Variants in GRM8 observed in about 807,000 individuals in gnomAD.
GRM8 encodes metabotropic glutamate receptor 8.
Under a neutral mutation model 87.2 loss-of-function variants are expected in GRM8, and 47 were observed. That is an observed-to-expected ratio of 0.54 (90% CI 0.43 to 0.69). The LOEUF (loss-of-function observed/expected upper bound fraction) is 0.69. GRM8 is among the 30% of genes least tolerant of loss of function. The probability of loss-of-function intolerance (pLI) is 0.00; values close to 1 mark genes in which losing one functional copy is unlikely to be tolerated. For missense variants in GRM8, 1,019 were observed against 1,139.2 expected (o/e 0.89, Z 1.52); for synonymous variants, 396 against 404.5 (o/e 0.98, Z 0.25).
At chr7:127,124,192 A>C (rs1827238162) in intron 2 of GRM8, among the ~76,000 whole-genome samples, 1 of 152,116 alleles carries the variant, frequency 6.6e-6, no homozygotes, top group Non-Finnish European at 1.5e-5. Flanking sequence ...CCAAACTTTA[A>C]AATTTCAACT....
chr7:126,875,049 T>C (rs995080130), intron 6 of GRM8, among the ~76,000 whole-genome samples: 3 of 152,158 alleles, frequency 2.0e-5, no homozygotes, highest in African/African-American at 7.2e-5. Context: ...TTTTCTTGCA[T>C]GGCCACAAAT....
chr7:126,677,541 A>C (rs57207375), intron 7 of GRM8, among the ~76,000 whole-genome samples: 2,522 of 152,276 alleles, frequency 0.017, 49 homozygotes, highest in African/African-American at 0.047. Flanking sequence ...ATGAAATAAT[A>C]TCTTTTGCAG....
intron 8 of GRM8, among the ~76,000 whole-genome samples, chr7:126,586,092 G>C (rs549816691): frequency 6.6e-6 from 1 of 152,028 alleles, no homozygotes. Flanking sequence ...CTGCTTCAAA[G>C]AGAATAAAAT....
chr7:126,574,540 T>G (rs1248781388), intron 8 of GRM8, among the ~76,000 whole-genome samples: 1 of 152,196 alleles, frequency 6.6e-6, no homozygotes, highest in Non-Finnish European at 1.5e-5. Flanking sequence ...CCACCTATTA[T>G]ACGGTCAGTG....
chr7:126,932,548 A>G (rs1365064549), intron 3 of GRM8, among the ~76,000 whole-genome samples: 1 of 152,200 alleles, frequency 6.6e-6, no homozygotes, highest in East Asian at 1.9e-4. Flanking sequence ...TGCTCACCTT[A>G]AAGAGTACAC....
intron 3 of GRM8, among the ~76,000 whole-genome samples, chr7:127,020,974 T>C (rs1298914563): frequency 6.6e-6 from 1 of 152,004 alleles, no homozygotes. Context: ...GAATAGTACA[T>C]TATTGAAGAA....
chr7:127,225,542 CA>C (rs145830140), intron 2 of GRM8, among the ~76,000 whole-genome samples: 2,117 of 151,398 alleles, frequency 0.014, 32 homozygotes, highest in Non-Finnish European at 0.018. Flanking sequence ...GCAGCTAGGT[CA>C]GGGGGAAGAA....
chr7:126,666,450 TAA>T (rs1393480331), intron 7 of GRM8, among the ~76,000 whole-genome samples: 1 of 151,992 alleles, frequency 6.6e-6, no homozygotes. Context: ...ACAAAAATAA[TAA>T]GAGAAAATAT....
chr7:127,209,926 C>G (rs531829836), intron 2 of GRM8, among the ~76,000 whole-genome samples: 1 of 152,244 alleles, frequency 6.6e-6, no homozygotes, highest in Admixed American at 6.5e-5. Flanking sequence ...GGACCTGCAG[C>G]ATCCCCACAA....
At chr7:127,029,024 T>C (rs1267348202) in intron 3 of GRM8, among the ~76,000 whole-genome samples, 1 of 152,230 alleles carries the variant, frequency 6.6e-6, no homozygotes, top group Non-Finnish European at 1.5e-5. Context: ...CCAGAGATTC[T>C]GGTACGTTGT....
At chr7:126,571,965 ACTC>A (rs1794728400) in intron 8 of GRM8, among the ~76,000 whole-genome samples, 1 of 151,668 alleles carries the variant, frequency 6.6e-6, no homozygotes, top group Non-Finnish European at 1.5e-5. Context: ...CTGGTCTCGA[ACTC>A]CTGACCTCGT....
At chr7:127,076,362 T>C (rs1822257683) in intron 3 of GRM8, 1 of 341,268 alleles carries the variant, frequency 2.9e-6, no homozygotes, top group African/African-American at 2.2e-5. Context: ...ACTCAGAGTA[T>C]CTGGGGGAGA....
intron 2 of GRM8, among the ~76,000 whole-genome samples, chr7:127,180,872 A>G (rs1288865595): frequency 1.3e-5 from 2 of 151,968 alleles, no homozygotes; most frequent in Non-Finnish European, 2.9e-5. Flanking sequence ...CTATGACAAA[A>G]CCATAGCCAA....
chr7:126,917,783 C>T lies in GRM8; in HGVS notation c.728-13100G>A, dbSNP rs551939328. Among the ~76,000 whole-genome samples the T allele has an allele frequency of 2.8e-4, 43 of 152,244 alleles. 1 individual carries two copies. In the South Asian group the frequency reaches 8.1e-3, roughly 29 times the overall value. On this transcript the variant is annotated intron_variant, in intron 3 of 10. Coordinates refer to ENST00000339582, the MANE Select transcript of GRM8 (RefSeq NM_000845.3). ...CAGGTAAGGTGGTATATTCAAAATG[C>T]GAACTTCAAAGTTTTACATCATCAA...
intron 3 of GRM8, among the ~76,000 whole-genome samples, chr7:126,940,106 G>T (rs778542730): frequency 2.0e-5 from 3 of 152,156 alleles, no homozygotes; most frequent in African/African-American, 7.2e-5. Context: ...TAAAGCACAT[G>T]CTTGAAACTG....
intron 3 of GRM8, among the ~76,000 whole-genome samples, chr7:127,098,988 G>T (rs1046242797): frequency 3.3e-5 from 5 of 152,050 alleles, no homozygotes; most frequent in African/African-American, 9.7e-5. Context: ...TAAAGCTTTA[G>T]CTTCCTTGCC....
chr7:126,757,382 T>C (rs1358027052), intron 7 of GRM8, among the ~76,000 whole-genome samples: 3 of 152,106 alleles, frequency 2.0e-5, no homozygotes, highest in African/African-American at 7.2e-5. Context: ...TGTGGGGTGC[T>C]TTCAATTTAT....
At chr7:126,859,193 C>T (rs1184105249) in intron 6 of GRM8, among the ~76,000 whole-genome samples, 1 of 151,960 alleles carries the variant, frequency 6.6e-6, no homozygotes, top group Non-Finnish European at 1.5e-5. Context: ...CTCTGGTTCA[C>T]CACGACAGGT....
intron 2 of GRM8, among the ~76,000 whole-genome samples, chr7:127,191,306 C>T (rs1795016818): frequency 6.6e-6 from 1 of 152,148 alleles, no homozygotes; most frequent in Non-Finnish European, 1.5e-5. Flanking sequence ...GTCTCTATTT[C>T]TGGGTTCAAT....
Sources: gnomAD v4.1 joint callset for allele counts (sites outside exome capture counted in the v4.1 genomes callset) on GRCh38, gnomAD v4.1.1 for gene constraint, MANE v1.5 for transcripts, NCBI Gene and HGNC (gene_info 2026-07-23, HGNC 2026-07-21) for gene names.